The following SEMA5A variants were observed in gnomAD, a reference collection of about 807,000 sequenced individuals.
The protein encoded by SEMA5A is semaphorin 5A, also known as semaphorin-5A.
SEMA5A carries 55 observed loss-of-function variants against 135.5 expected under a neutral mutation model. The observed-to-expected ratio is 0.41, with a 90% CI of 0.33 to 0.51. The LOEUF (loss-of-function observed/expected upper bound fraction) is 0.51, where lower values mean the gene tolerates loss of function less well. SEMA5A is among the 20% of genes least tolerant of loss of function. SEMA5A has a pLI of 0.37. For synonymous variants in SEMA5A, 580 were observed against 546.5 expected (o/e 1.06, Z -0.85); for missense variants, 1,290 against 1,419.9 (o/e 0.91, Z 1.47).
chr5:9,340,141 T>C (rs1270335831), intron 3 of SEMA5A, among the ~76,000 whole-genome samples: 2 of 152,186 alleles, frequency 1.3e-5, no homozygotes, highest in African/African-American at 2.4e-5. Flanking sequence ...CCCACAGCCA[T>C]TGTTAAACAT....
chr5:9,247,851 G>A (rs1748558264), intron 5 of SEMA5A, among the ~76,000 whole-genome samples: 1 of 152,016 alleles, frequency 6.6e-6, no homozygotes, highest in Admixed American at 6.6e-5. Context: ...TGTGTAACAG[G>A]ATAATATACT....
chr5:9,143,408 A>T (rs1165069964), intron 12 of SEMA5A, among the ~76,000 whole-genome samples: 1 of 152,134 alleles, frequency 6.6e-6, no homozygotes, highest in Non-Finnish European at 1.5e-5. Context: ...CTTAACATTA[A>T]ATAACACTGA....
At chr5:9,115,295 C>A (rs1411725560) in intron 15 of SEMA5A, among the ~76,000 whole-genome samples, 1 of 152,176 alleles carries the variant, frequency 6.6e-6, no homozygotes, top group African/African-American at 2.4e-5. Context: ...AAAAAGAAAG[C>A]CTGACTCAGG....
chr5:9,314,962 T>G (rs1224530162), intron 5 of SEMA5A, among the ~76,000 whole-genome samples: 1 of 152,124 alleles, frequency 6.6e-6, no homozygotes, highest in Non-Finnish European at 1.5e-5. Flanking sequence ...TATACTTCAG[T>G]AACAGCTCAT....
intron 1 of SEMA5A, among the ~76,000 whole-genome samples, chr5:9,439,940 G>T (rs765063042): frequency 2.6e-5 from 4 of 152,230 alleles, no homozygotes; most frequent in Admixed American, 6.5e-5. Flanking sequence ...ACCCGAAAGG[G>T]TTGTTACTGT....
At chr5:9,404,827 A>C (rs1227237728) in intron 2 of SEMA5A, among the ~76,000 whole-genome samples, 1 of 152,214 alleles carries the variant, frequency 6.6e-6, no homozygotes, top group Non-Finnish European at 1.5e-5. Context: ...GTCTCAGGTG[A>C]CCTCCAAAGG....
chr5:9,113,292 C>T (rs1270665966), intron 15 of SEMA5A, among the ~76,000 whole-genome samples: 4 of 152,104 alleles, frequency 2.6e-5, no homozygotes, highest in Non-Finnish European at 5.9e-5. Flanking sequence ...TTTGAGACCA[C>T]GGAATGGCAG....
chr5:9,369,846 C>T (rs1020721199), intron 3 of SEMA5A, among the ~76,000 whole-genome samples: 1 of 151,816 alleles, frequency 6.6e-6, no homozygotes, highest in African/African-American at 2.4e-5. Flanking sequence ...AAAGTTCCAT[C>T]GCTGATGGAA....
rs200493185 is a variant in SEMA5A, at chr5:9,190,328, G to A, written c.1212C>T (p.His404=). 126 of 1,614,134 alleles carry A rather than the reference G, an allele frequency of 7.8e-5. No homozygotes were observed. The highest frequency in any genetic ancestry group is 1.0e-4 in the Non-Finnish European group (122 of 1,180,004). Residue 404 remains histidine, a synonymous_variant, in exon 11 of 23, where the codon CAC becomes CAT. Coordinates refer to ENST00000382496, the MANE Select transcript of SEMA5A (RefSeq NM_003966.3). The part of the protein sequence containing the change: ...SFMEDNSRFS[H]VAVDVVQGRE... The stretch of plus-strand genomic sequence containing the variant: ...TGCCCTGCACCACGTCGACTGCCAC[G>A]TGGGAAAAGCGGCTATTGTCCTCCA...
chr5:9,303,538 T>C (rs1049632265), intron 5 of SEMA5A, among the ~76,000 whole-genome samples: 3 of 152,186 alleles, frequency 2.0e-5, no homozygotes, highest in African/African-American at 4.8e-5. Context: ...TGTTTCTTTG[T>C]AGCATACATT....
intron 1 of SEMA5A, among the ~76,000 whole-genome samples, chr5:9,543,329 G>A (rs144911742): frequency 6.6e-6 from 1 of 152,254 alleles, no homozygotes; most frequent in East Asian, 1.9e-4. Context: ...TCGGTCTCGT[G>A]GTCAATAAGT....
chr5:9,544,414 A>G (rs1027729608), intron 1 of SEMA5A, among the ~76,000 whole-genome samples: 4 of 152,128 alleles, frequency 2.6e-5, no homozygotes, highest in Admixed American at 2.0e-4. Flanking sequence ...TCTGGAAGAG[A>G]CCTTTCTAGT....
At chr5:9,156,230 T>G (rs1742948108) in intron 11 of SEMA5A, among the ~76,000 whole-genome samples, 2 of 152,220 alleles carry the variant, frequency 1.3e-5, no homozygotes, top group South Asian at 4.1e-4. Context: ...TAATTCAAAT[T>G]AATTTTGACT....
rs536664755 is a variant in SEMA5A at position 9,541,073 on chromosome 5, A to G, written c.-175+4511T>C. Among the ~76,000 whole-genome samples, 439 of 152,250 alleles carry G rather than the reference A, an allele frequency of 2.9e-3. 6 individuals are homozygous for G. Among genetic ancestry groups the G allele is most frequent in the African/African-American group, 0.01 (423 of 41,536 alleles). On this transcript the variant is annotated intron_variant, in intron 1 of 22. Coordinates refer to ENST00000382496, the MANE Select transcript of SEMA5A (RefSeq NM_003966.3). ...TGAGTACATCATACATCCTTGCCAA[A>G]CATTGGGTGGATTTGAACTGATTGA... is the stretch of plus-strand genomic sequence containing the variant.
intron 9 of SEMA5A, among the ~76,000 whole-genome samples, chr5:9,197,780 G>GTGTTTTAACCCAGATATTTGTGTGTA: frequency 9.6e-6 from 1 of 103,952 alleles, no homozygotes; most frequent in Non-Finnish European, 1.9e-5. Flanking sequence ...GTGTGTGTGT[G>GTGTTTTAACCCAGATATTTGTGTGTA]TGTGTTTTAA....
In SEMA5A at chr5:9,051,888, A is replaced by G; in HGVS notation, c.2830T>C (p.Ser944Pro). Residue 944 changes from serine (S) to proline (P), a missense_variant, in exon 20 of 23, where the codon TCT becomes CCT. Physicochemically the swap from Ser to Pro is moderately conservative, Grantham distance 74. Around this residue, in one of 3 missense-constraint regions of SEMA5A, gnomAD observed 1,029 missense variants for 1,086.6 expected, o/e 0.95. Transcript: ENST00000382496. ...TTESRPCVFD[S>P]NFIPEVSVAR... is the part of the protein sequence containing the mutation. ...CTGCTCTTACCTGGGATGAAATTAG[A>G]GTCAAACACACACGGCCGGCTCTCC... 1.2e-6 allele frequency: 2 copies of G among 1,614,196 alleles called. No individual in the cohort carries two copies. Among genetic ancestry groups the G allele is most frequent in the Non-Finnish European group, 1.7e-6 (2 of 1,180,032 alleles).
chr5:9,212,066 T>C (rs1449168607), intron 8 of SEMA5A, among the ~76,000 whole-genome samples: 1 of 152,208 alleles, frequency 6.6e-6, no homozygotes, highest in Admixed American at 6.5e-5. Context: ...GGATTAGATG[T>C]TCATGCTGAG....
intron 2 of SEMA5A, among the ~76,000 whole-genome samples, chr5:9,413,595 A>C (rs1339299151): frequency 6.6e-6 from 1 of 152,204 alleles, no homozygotes; most frequent in East Asian, 1.9e-4. Flanking sequence ...GCTGGGGGCT[A>C]AAAGGGCGTA....
chr5:9,353,344 A>G (rs200838534), intron 3 of SEMA5A, among the ~76,000 whole-genome samples: 136 of 100,770 alleles, frequency 1.3e-3, no homozygotes, highest in Non-Finnish European at 2.2e-3. Flanking sequence ...AAATGAAAGG[A>G]AAGGAAAGGG....
Sources: allele counts gnomAD v4.1 joint callset (sites outside exome capture counted in the v4.1 genomes callset), GRCh38; gene constraint gnomAD v4.1.1; regional missense constraint gnomAD v4.1.1; transcripts MANE v1.5; gene names NCBI Gene and HGNC (gene_info 2026-07-23, HGNC 2026-07-21).